The following CNTNAP2 variants were observed in gnomAD, a reference collection of about 807,000 sequenced individuals.
CNTNAP2 encodes the protein contactin associated protein 2.
CNTNAP2 carries 98 observed loss-of-function variants against 155.2 expected under a neutral mutation model. The ratio of observed to expected loss-of-function variants is 0.63; its 90% CI spans 0.54 to 0.75. The LOEUF is 0.75. CNTNAP2 is among the 30% of genes least tolerant of loss of function. The probability of loss-of-function intolerance (pLI) is 0.00; values close to 1 mark genes in which losing one functional copy is unlikely to be tolerated. For synonymous variants in CNTNAP2, 651 were observed against 631.2 expected (o/e 1.03, Z -0.47); for missense variants, 1,727 against 1,688.1 (o/e 1.02, Z -0.40).
intron 21 of CNTNAP2, among the ~76,000 whole-genome samples, chr7:148,317,617 T>C (rs1797713647): frequency 6.6e-6 from 1 of 152,204 alleles, no homozygotes; most frequent in African/African-American, 2.4e-5. Context: ...AAAGCAATGT[T>C]AGAGCCCACG....
chr7:146,240,881 G>A (rs550924552), intron 1 of CNTNAP2, among the ~76,000 whole-genome samples: 1 of 152,260 alleles, frequency 6.6e-6, no homozygotes, highest in South Asian at 2.1e-4. Context: ...TTGGCTCATG[G>A]CTCTGCACGC....
intron 2 of CNTNAP2, among the ~76,000 whole-genome samples, chr7:146,797,713 A>T (rs529189567): frequency 6.6e-6 from 1 of 152,314 alleles, no homozygotes; most frequent in Non-Finnish European, 1.5e-5. Flanking sequence ...CTACCACCAA[A>T]ATCTCACTGA....
At chr7:146,397,871 C>G (rs114118966) in intron 1 of CNTNAP2, among the ~76,000 whole-genome samples, 25 of 126,932 alleles carry the variant, frequency 2.0e-4, no homozygotes, top group African/African-American at 8.1e-4. Flanking sequence ...ATTTGACAGG[C>G]TTTTATTTAT....
At chr7:146,614,601 C>G (rs892991662) in intron 1 of CNTNAP2, among the ~76,000 whole-genome samples, 1 of 152,178 alleles carries the variant, frequency 6.6e-6, no homozygotes, top group African/African-American at 2.4e-5. Flanking sequence ...CAGCTGAATG[C>G]AAACCTGCAG....
rs1470470090 is a variant in CNTNAP2, at chr7:146,489,571, A to C, written c.98-284700A>C. On this transcript the variant is annotated intron_variant, in intron 1 of 23. Coordinates refer to ENST00000361727, the MANE Select transcript of CNTNAP2 (RefSeq NM_014141.6). ...CACGGCCAGTGACACACACACCCCC[A>C]CCTGCTACCAGGGCCACAGTTGGCC... 2.0e-5 allele frequency among the ~76,000 whole-genome samples: 3 copies of C among 152,158 alleles called. No homozygotes were observed. The East Asian group carries it at 5.8e-4, about 30-fold the overall frequency.
chr7:147,861,844 C>T (rs1187734547), intron 13 of CNTNAP2, among the ~76,000 whole-genome samples: 1 of 151,678 alleles, frequency 6.6e-6, no homozygotes. Flanking sequence ...GGTAAAACCC[C>T]ATGTCTAATA....
At chr7:147,104,873 CATATATATATATATATATATATATAT>C (rs56674675) in intron 4 of CNTNAP2, among the ~76,000 whole-genome samples, 26,917 of 101,680 alleles carry the variant, frequency 0.26, 3,836 homozygotes, top group Non-Finnish European at 0.37. Context: ...CTTCCTCCCT[CATATATATATATATATATATATATAT>C]ATATATATAT....
intron 8 of CNTNAP2, among the ~76,000 whole-genome samples, chr7:147,140,595 A>G (rs546027799): frequency 9.9e-5 from 15 of 152,036 alleles, no homozygotes; most frequent in Admixed American, 9.2e-4. Flanking sequence ...ATTCTTTGTC[A>G]TCAAATTCCT....
intron 3 of CNTNAP2, among the ~76,000 whole-genome samples, chr7:146,981,243 A>G (rs945769512): frequency 1.3e-5 from 2 of 152,212 alleles, no homozygotes; most frequent in African/African-American, 4.8e-5. Context: ...CCAAAGAGTT[A>G]TAACTTATTG....
chr7:148,351,480 C>T (rs891406040), intron 21 of CNTNAP2, among the ~76,000 whole-genome samples: 1 of 151,950 alleles, frequency 6.6e-6, no homozygotes. Context: ...CACAGTGGCT[C>T]ATCCCTGTAA....
chr7:146,828,481 T>C (rs543194986), intron 2 of CNTNAP2, among the ~76,000 whole-genome samples: 127 of 152,226 alleles, frequency 8.3e-4, no homozygotes, highest in African/African-American at 2.9e-3. Flanking sequence ...TTCATTTGAA[T>C]ATCTCCAGTA....
chr7:147,059,688 G>A (rs1199656365), intron 4 of CNTNAP2, among the ~76,000 whole-genome samples: 4 of 152,104 alleles, frequency 2.6e-5, no homozygotes, highest in Non-Finnish European at 5.9e-5. Flanking sequence ...TATTTAGGGT[G>A]TCTGGCTCAT....
At chr7:146,534,546 G>C (rs1172479624) in intron 1 of CNTNAP2, among the ~76,000 whole-genome samples, 2 of 152,042 alleles carry the variant, frequency 1.3e-5, no homozygotes, top group Admixed American at 1.3e-4. Flanking sequence ...GCGTAGAAAA[G>C]TTTTGTTTAT....
intron 9 of CNTNAP2, among the ~76,000 whole-genome samples, chr7:147,358,924 C>T (rs900707581): frequency 6.6e-6 from 1 of 152,012 alleles, no homozygotes; most frequent in Admixed American, 6.6e-5. Flanking sequence ...AAGTCAAAAC[C>T]GGCCTGCAGA....
intron 18 of CNTNAP2, among the ~76,000 whole-genome samples, chr7:148,184,259 C>T (rs1159558812): frequency 6.6e-6 from 1 of 152,030 alleles, no homozygotes; most frequent in African/African-American, 2.4e-5. Flanking sequence ...AGTGAGACCC[C>T]ATCTCTATAA....
intron 3 of CNTNAP2, among the ~76,000 whole-genome samples, chr7:146,989,614 C>G (rs905760561): frequency 1.3e-5 from 2 of 152,106 alleles, no homozygotes; most frequent in Admixed American, 1.3e-4. Flanking sequence ...AATCTCATCT[C>G]TTGCTGCCCA....
rs757116929 is a variant in CNTNAP2, at chr7:148,415,405, T to C, written c.3797-12T>C. 2.2e-5 allele frequency: 36 copies of C among 1,612,632 alleles called. No individual in the cohort carries two copies. The highest frequency in any genetic ancestry group is 2.9e-5 in the Non-Finnish European group (34 of 1,180,040). ...CCTGTCTAACCTCTCGTGCTTCTCCTTTCTCCGTCAGGCGTCATTGCTGTG... is the reference window on the plus strand; with the variant it reads ...CCTGTCTAACCTCTCGTGCTTCTCCCTTCTCCGTCAGGCGTCATTGCTGTG... On this transcript the variant is annotated splice_polypyrimidine_tract_variant and intron_variant, in intron 23 of 23. Transcript: ENST00000361727.
At chr7:147,849,669 A>C (rs1014262425) in intron 13 of CNTNAP2, among the ~76,000 whole-genome samples, 1 of 152,232 alleles carries the variant, frequency 6.6e-6, no homozygotes, top group African/African-American at 2.4e-5. Flanking sequence ...ACAATTCCTG[A>C]ATAAGCTGTT....
At chr7:147,177,523 T>A (rs1194462894) in intron 8 of CNTNAP2, among the ~76,000 whole-genome samples, 1 of 152,192 alleles carries the variant, frequency 6.6e-6, no homozygotes, top group Non-Finnish European at 1.5e-5. Flanking sequence ...TCTCAGGTAT[T>A]GCTTCATAGC....
Sources: gnomAD v4.1 joint callset for allele counts (sites outside exome capture counted in the v4.1 genomes callset) on GRCh38, gnomAD v4.1.1 for gene constraint, MANE v1.5 for transcripts, NCBI Gene and HGNC (gene_info 2026-07-23, HGNC 2026-07-21) for gene names.